Variants in TRAPPC8 observed in about 807,000 individuals in gnomAD.
TRAPPC8 encodes trafficking protein particle complex subunit 8.
Under a neutral mutation model 174.3 loss-of-function variants are expected in TRAPPC8, and 54 were observed. The ratio of observed to expected loss-of-function variants is 0.31; its 90% CI spans 0.25 to 0.39. The LOEUF is 0.39. Ranked by LOEUF, TRAPPC8 falls within the 10% of genes least tolerant of loss-of-function variation. TRAPPC8 has a pLI of 1.00. For synonymous variants in TRAPPC8, 630 were observed against 579.9 expected, an observed-to-expected ratio of 1.09 and a Z score of -1.24; for missense variants, 1,531 against 1,699.1, an observed-to-expected ratio of 0.90 and a Z score of 1.74.
At chr18:31,855,539 T>C in intron 21 of TRAPPC8, 121 bp downstream of exon 21, 2 of 790,326 alleles carry the variant, frequency 2.5e-6, no homozygotes, top group South Asian at 4.0e-5. Flanking sequence ...CTATTCTACA[T>C]GAACATTCCT....
At chr18:31,895,378 C>T (rs2036139405) in intron 11 of TRAPPC8, among the ~76,000 whole-genome samples, 1 of 152,068 alleles carries the variant, frequency 6.6e-6, no homozygotes, top group South Asian at 2.1e-4. Flanking sequence ...GCAGAAAAGG[C>T]CATTAAGAAT....
intron 2 of TRAPPC8, among the ~76,000 whole-genome samples, chr18:31,923,873 G>A (rs951167226): frequency 6.6e-5 from 10 of 152,204 alleles, no homozygotes; most frequent in African/African-American, 1.2e-4. Context: ...AAGGCCGGGT[G>A]TGGTGGCTCA....
In TRAPPC8 at chr18:31,942,589, A is replaced by AAGGG; in HGVS notation, c.157+15_157+18dup. The AAGGG allele has an allele frequency of 6.6e-7, 1 of 1,515,206 alleles. No individual in the cohort carries two copies. The highest frequency in any genetic ancestry group is 1.2e-5 in the South Asian group (1 of 81,630). The allele number at this position is 1,515,206 out of a possible 1,614,324, so 93.9% of individuals were successfully genotyped here. A position where few individuals can be genotyped will look rare whatever the true frequency, so the allele number is the denominator to read the frequency against. On this transcript the variant is annotated intron_variant, in intron 1 of 28. Transcript: ENST00000283351. ...ACGGCTTTGCGGGAGCCCACTGGAA[A>AAGGG]AGGGAGGATACCACATACCCTCGGA...
intron 28 of TRAPPC8, among the ~76,000 whole-genome samples, 180 bp from the exon 29 acceptor site, chr18:31,831,169 T>C (rs1372858009): frequency 6.6e-6 from 1 of 152,090 alleles, no homozygotes; most frequent in Non-Finnish European, 1.5e-5. Flanking sequence ...CCTACCAACA[T>C]AATGAAGCCC....
chr18:31,920,469 G>A (rs1406533509), intron 2 of TRAPPC8, among the ~76,000 whole-genome samples: 1 of 152,104 alleles, frequency 6.6e-6, no homozygotes, highest in Non-Finnish European at 1.5e-5. Context: ...ACAATTTCAT[G>A]TTCATGCAAT....
At position 31,830,483 on chromosome 18, in the gene TRAPPC8, T is replaced by A; in HGVS notation, c.*272A>T. 1 of 364,576 alleles carries A rather than the reference T, an allele frequency of 2.7e-6. No individual in the cohort carries two copies. The highest frequency in any genetic ancestry group is 5.0e-6 in the Non-Finnish European group (1 of 201,198). The allele number at this position is 364,576 out of a possible 1,614,324, so 22.6% of individuals were successfully genotyped here. On this transcript the variant is annotated 3_prime_UTR_variant, in exon 29 of 29. Coordinates refer to ENST00000283351, the MANE Select transcript of TRAPPC8 (RefSeq NM_014939.5). ...AGCAGACTTAGACTTTGTGTTTTCT[T>A]AAGATGGGGCTTAATAAGGTGCACA...
intron 26 of TRAPPC8, among the ~76,000 whole-genome samples, chr18:31,845,525 A>G (rs2033354203): frequency 1.3e-5 from 2 of 152,008 alleles, no homozygotes; most frequent in South Asian, 4.1e-4. Context: ...TGAAGTATTA[A>G]TATTTAGGGA....
At position 31,857,656 on chromosome 18, in the gene TRAPPC8, A is replaced by G; in HGVS notation, c.3072T>C (p.Leu1024=). ...VIPVPLPDTV[L]LPGASVQLPM... The stretch of plus-strand genomic sequence containing the variant: ...GCAGCTGCACTGAGGCTCCGGGTAG[A>G]AGAACAGTGTCAGGAAGGGGAACAG... Residue 1024 remains leucine, a synonymous_variant, in exon 20 of 29, where the codon CTT becomes CTC. Transcript: ENST00000283351. 6.2e-7 allele frequency: 1 copy of G among 1,614,194 alleles called. No individual in the cohort carries two copies. The highest frequency in any genetic ancestry group is 8.5e-7 in the Non-Finnish European group (1 of 1,180,024).
intron 11 of TRAPPC8, among the ~76,000 whole-genome samples, chr18:31,894,058 C>G (rs2036083713): frequency 6.6e-6 from 1 of 152,160 alleles, no homozygotes; most frequent in Non-Finnish European, 1.5e-5. Context: ...CACTCAAGAA[C>G]TGACCAACTG....
Position 31,872,511 on chromosome 18 carries a change from C to G in TRAPPC8, c.2062+919G>C, listed in dbSNP as rs1219020169. Among the ~76,000 whole-genome samples the G allele has an allele frequency of 2.6e-5, 4 of 152,128 alleles. No individual in the cohort carries two copies. The East Asian group carries it at 7.7e-4, about 29-fold the overall frequency. On this transcript the variant is annotated intron_variant, in intron 14 of 28. Coordinates refer to ENST00000283351, the MANE Select transcript of TRAPPC8 (RefSeq NM_014939.5). ...TCTCGGCTACTGCAACCTCCGCCTC[C>G]TGGGTTCAAGCGATTCTCCTGATTC...
chr18:31,836,750 C>G (rs1484367893), intron 27 of TRAPPC8, among the ~76,000 whole-genome samples: 1 of 144,028 alleles, frequency 6.9e-6, no homozygotes, highest in Non-Finnish European at 1.5e-5. Context: ...AATGAAGCAT[C>G]TTTCAGTCTT....
rs73954906 is a variant in TRAPPC8 at position 31,874,346 on chromosome 18, G to A, written c.1953+134C>T. 2,303 of 922,732 alleles carry A rather than the reference G, an allele frequency of 2.5e-3. 35 individuals carry two copies. The African/African-American group carries it at 0.035, about 14-fold the overall frequency. 57.2% of individuals were successfully genotyped at this position (922,732 alleles called of 1,614,324 possible). On this transcript the variant is annotated intron_variant, in intron 13 of 28. Coordinates refer to ENST00000283351, the MANE Select transcript of TRAPPC8 (RefSeq NM_014939.5). ...CCAAGATCTATAGCCAAAAAGCCTA[G>A]CCTGCCACAGCTTTTTTATGACTGA...
chr18:31,912,518 G>A (rs1337411136), intron 5 of TRAPPC8, among the ~76,000 whole-genome samples: 4 of 152,016 alleles, frequency 2.6e-5, no homozygotes, highest in Non-Finnish European at 5.9e-5. Flanking sequence ...GCCGGGCATG[G>A]TGGTAGGTGG....
At chr18:31,901,858 A>G (rs770179923) in intron 9 of TRAPPC8, among the ~76,000 whole-genome samples, 1 of 152,170 alleles carries the variant, frequency 6.6e-6, no homozygotes, top group African/African-American at 2.4e-5. Context: ...ACGTATATAC[A>G]ATGTGCTTAT....
intron 19 of TRAPPC8, among the ~76,000 whole-genome samples, chr18:31,860,718 T>C (rs567665902): frequency 6.6e-6 from 1 of 152,308 alleles, no homozygotes; most frequent in South Asian, 2.1e-4. Flanking sequence ...CTGACTTCCA[T>C]CATAATCATA....
intron 6 of TRAPPC8, 110 bp from the exon 7 acceptor site, chr18:31,909,120 C>A: frequency 9.4e-7 from 1 of 1,066,382 alleles, no homozygotes; most frequent in Non-Finnish European, 1.3e-6. Flanking sequence ...AATCCTTTAT[C>A]TTTCAGTATA....
rs2032279563 is a variant in TRAPPC8 at position 31,830,256 on chromosome 18, T to C, written c.*499A>G. On this transcript the variant is annotated 3_prime_UTR_variant, in exon 29 of 29. Transcript: ENST00000283351. ...ATAGGGACCACCAAATACTGAAATA[T>C]GAAGACTCTATGACCAAAGTTCAAA... 6.5e-6 allele frequency: 1 copy of C among 152,906 alleles called. No individual in the cohort carries two copies. The highest frequency in any genetic ancestry group is 1.5e-5 in the Non-Finnish European group (1 of 68,270). The allele number at this position is 152,906 out of a possible 1,614,324, so 9.5% of individuals were successfully genotyped here. A position where few individuals can be genotyped will look rare whatever the true frequency, so the allele number is the denominator to read the frequency against.
chr18:31,880,507 A>G (rs2035394728), intron 12 of TRAPPC8, among the ~76,000 whole-genome samples: 1 of 152,056 alleles, frequency 6.6e-6, no homozygotes, highest in Admixed American at 6.6e-5. Context: ...TAAAAATAAT[A>G]AGACCCATAT....
At chr18:31,914,618 A>C (rs1016029779) in intron 4 of TRAPPC8, among the ~76,000 whole-genome samples, 4 of 152,230 alleles carry the variant, frequency 2.6e-5, no homozygotes, top group African/African-American at 9.6e-5. Flanking sequence ...TCTGCAGAGG[A>C]AAATTTAATA....
Sources: allele counts gnomAD v4.1 joint callset (sites outside exome capture counted in the v4.1 genomes callset), GRCh38; gene constraint gnomAD v4.1.1; transcripts MANE v1.5; gene names NCBI Gene and HGNC (gene_info 2026-07-23, HGNC 2026-07-21).